Variants in TMEM169 observed in about 807,000 individuals in gnomAD.
TMEM169 encodes the protein transmembrane protein 169.
In TMEM169, 18 loss-of-function variants were observed where a neutral mutation model predicts 27.3. The ratio of observed to expected loss-of-function variants is 0.66; its 90% confidence interval spans 0.46 to 0.98. The LOEUF is 0.98. Among genes scored for constraint, TMEM169 ranks in the 50% least tolerant of loss-of-function variants. TMEM169 has a pLI of 0.00. For synonymous variants in TMEM169, 136 were observed against 142.1 expected (o/e 0.96, Z 0.30); for missense variants, 320 against 368.6 (o/e 0.87, Z 1.08).
At position 216,100,337 on chromosome 2, in the gene TMEM169, C is replaced by T; in HGVS notation, c.689C>T (p.Ala230Val). The T allele has an allele frequency of 6.2e-7, 1 of 1,614,010 alleles. No homozygotes were observed. The highest frequency in any genetic ancestry group is 8.5e-7 in the Non-Finnish European group (1 of 1,180,010). The change falls in exon 3 of 3, where the codon GCT (alanine) becomes GTT (valine). Residue 230 changes from alanine to valine, a missense_variant. Ala to Val is a moderately conservative substitution (Grantham distance 64). Coordinates refer to ENST00000437356, the MANE Select transcript of TMEM169 (RefSeq NM_001142311.2). Reference protein sequence around the residue: ...AMASSLGLYAAVVQLSWSWEA... With the variant: ...AMASSLGLYAVVVQLSWSWEA... The stretch of plus-strand genomic sequence containing the variant: ...GCTTCTTCCCTCGGCCTCTACGCTG[C>T]TGTGGTCCAGCTCTCGTGGTCCTGG...
Position 216,085,303 on chromosome 2 carries a change from C to T in TMEM169, c.-127+3324C>T, listed in dbSNP as rs566391381. Among the ~76,000 whole-genome samples, 4 of 151,938 alleles carry T rather than the reference C, an allele frequency of 2.6e-5. No individual in the cohort carries two copies. The East Asian group carries it at 7.8e-4, about 30-fold the overall frequency. On this transcript the variant is annotated intron_variant, in intron 1 of 2. Coordinates refer to ENST00000437356, the MANE Select transcript of TMEM169 (RefSeq NM_001142311.2). Reference sequence around the variant, plus strand: ...GCACACGCCTGTAATCTCATCTACTCGGTAGGAGAATCAGGTGGGGGAGGT... The same window carrying T: ...GCACACGCCTGTAATCTCATCTACTTGGTAGGAGAATCAGGTGGGGGAGGT...
At chr2:216,085,056 C>T (rs576975683) in intron 1 of TMEM169, among the ~76,000 whole-genome samples, 1 of 152,304 alleles carries the variant, frequency 6.6e-6, no homozygotes, top group South Asian at 2.1e-4. Context: ...TGGCAGCGAT[C>T]TCGGCTCACT....
Position 216,101,742 on chromosome 2 carries a change from C to CA in TMEM169, c.*1204dup, listed in dbSNP as rs1283860048. 4 of 152,162 alleles carry CA rather than the reference C, an allele frequency of 2.6e-5. No homozygotes were observed. Among genetic ancestry groups the CA allele is most frequent in the African/African-American group, 9.7e-5 (4 of 41,428 alleles). The allele number at this position is 152,162 out of a possible 1,614,324, so 9.4% of individuals were successfully genotyped here. ...AGGTGATCCGCCTGCCTCGGCCTCC[C>CA]AAAATGCTGGGATTGTAGGCAAGAA... is the stretch of plus-strand genomic sequence containing the variant. On this transcript the variant is annotated 3_prime_UTR_variant, in exon 3 of 3. Coordinates refer to ENST00000437356, the MANE Select transcript of TMEM169 (RefSeq NM_001142311.2).
At chr2:216,094,005 T>C (rs917974513) in intron 1 of TMEM169, among the ~76,000 whole-genome samples, 17 of 152,170 alleles carry the variant, frequency 1.1e-4, no homozygotes, top group African/African-American at 4.1e-4. Context: ...TTGGGAACAT[T>C]TGAATACACA....
At chr2:216,095,109 C>CTTTTTTTCTTTTTT (rs1696232189) in intron 1 of TMEM169, among the ~76,000 whole-genome samples, 1 of 110,484 alleles carries the variant, frequency 9.1e-6, no homozygotes, top group African/African-American at 4.1e-5. Flanking sequence ...TTTTTTCTTT[C>CTTTTTTTCTTTTTT]TTTTTTTTTT....
chr2:216,098,874 C>T (rs576009759), intron 2 of TMEM169, among the ~76,000 whole-genome samples: 51 of 146,364 alleles, frequency 3.5e-4, no homozygotes, highest in Non-Finnish European at 6.0e-4. Context: ...ATATGGTGTA[C>T]GTATGTGTGC....
chr2:216,101,929 A>G lies in TMEM169; in HGVS notation c.*1387A>G, dbSNP rs1696405752. 2.0e-5 allele frequency: 3 copies of G among 152,212 alleles called. No individual in the cohort carries two copies. Among genetic ancestry groups the G allele is most frequent in the Non-Finnish European group, 4.4e-5 (3 of 68,040 alleles). The allele number at this position is 152,212 out of a possible 1,614,324, so 9.4% of individuals were successfully genotyped here. ...TGAATCTTACACAGAGAATTTATATATAGATATTAGCTACATATACTTTGA... is the reference window on the plus strand; with the variant it reads ...TGAATCTTACACAGAGAATTTATATGTAGATATTAGCTACATATACTTTGA... On this transcript the variant is annotated 3_prime_UTR_variant, in exon 3 of 3. Coordinates refer to ENST00000437356, the MANE Select transcript of TMEM169 (RefSeq NM_001142311.2).
At chr2:216,096,564 C>T (rs1407351371) in intron 2 of TMEM169, among the ~76,000 whole-genome samples, 1 of 152,064 alleles carries the variant, frequency 6.6e-6, no homozygotes, top group Non-Finnish European at 1.5e-5. Context: ...TGGGTTTCAC[C>T]ATGTTGTCCA....
Position 216,100,151 on chromosome 2 carries a change from T to C in TMEM169, c.503T>C (p.Leu168Pro). Residue 168 changes from leucine to proline, a missense_variant, in exon 3 of 3, where the codon CTG (leucine) becomes CCG (proline). Physicochemically the swap from Leu to Pro is moderately conservative, Grantham distance 98 (BLOSUM62 -3). Coordinates refer to ENST00000437356, the MANE Select transcript of TMEM169 (RefSeq NM_001142311.2). The stretch of plus-strand genomic sequence containing the variant: ...GTGGTCCTCTGGACGCTGATCTGCC[T>C]GCCTGTGGTTTTCATCCTTTCTTTT... ...PHVVLWTLIC[L>P]PVVFILSFVV... 6.2e-7 allele frequency: 1 copy of C among 1,614,156 alleles called. No homozygotes were observed. The highest frequency in any genetic ancestry group is 8.5e-7 in the Non-Finnish European group (1 of 1,180,032).
At chr2:216,089,646 G>A (rs1463284222) in intron 1 of TMEM169, among the ~76,000 whole-genome samples, 1 of 152,064 alleles carries the variant, frequency 6.6e-6, no homozygotes, top group Non-Finnish European at 1.5e-5. Flanking sequence ...TAGAGACAGG[G>A]TTTCACCATG....
intron 2 of TMEM169, among the ~76,000 whole-genome samples, chr2:216,097,120 T>C (rs2105987370): frequency 6.6e-6 from 1 of 152,326 alleles, no homozygotes; most frequent in Non-Finnish European, 1.5e-5. Context: ...CATGCATACC[T>C]CATGACCCAG....
intron 1 of TMEM169, among the ~76,000 whole-genome samples, chr2:216,088,797 CCTT>C (rs1696065685): frequency 6.6e-6 from 1 of 152,148 alleles, no homozygotes; most frequent in Non-Finnish European, 1.5e-5. Context: ...TGTGGTGTTT[CCTT>C]CTTTATCCCT....
In TMEM169 at chr2:216,088,150, T is replaced by C. The variant is rs376890476; in HGVS notation, c.-127+6171T>C. 7.5e-3 allele frequency among the ~76,000 whole-genome samples: 1,047 copies of C among 139,870 alleles called. 8 individuals are homozygous for C. The highest frequency in any genetic ancestry group is 0.028 in the African/African-American group (1,000 of 36,098). The allele number at this position is 139,870 out of a possible 152,430, so 91.8% of individuals were successfully genotyped here. A position where few individuals can be genotyped will look rare whatever the true frequency, so the allele number is the denominator to read the frequency against. The stretch of plus-strand genomic sequence containing the variant: ...TCCAGCCTGGGTGACCAAGCGAGAC[T>C]CTGTCTCAAAAAAAAAAAAAACAAA... On this transcript the variant is annotated intron_variant, in intron 1 of 2. Transcript: ENST00000437356.
At position 216,096,029 on chromosome 2, in the gene TMEM169, G is replaced by A. The variant is rs549854689; in HGVS notation, c.66G>A (p.Arg22=). The A allele has an allele frequency of 1.7e-4, 279 of 1,614,214 alleles. 5 individuals are homozygous for A. The South Asian group carries it at 2.9e-3, about 17-fold the overall frequency. ...CAAGCCCCCACCAGGGCTCTCTCAGGAAGGCTGTGGCTGCTGCCCTGGCGC... is the reference window on the plus strand; with the variant it reads ...CAAGCCCCCACCAGGGCTCTCTCAGAAAGGCTGTGGCTGCTGCCCTGGCGC... ...QLPSPHQGSL[R]KAVAAALALD... is the part of the protein sequence containing the mutation. The change falls in exon 2 of 3, where the codon AGG becomes AGA. Residue 22 remains arginine (R), a synonymous_variant. Transcript: ENST00000437356.
intron 1 of TMEM169, among the ~76,000 whole-genome samples, chr2:216,093,162 G>GTA (rs1491021967): frequency 7.3e-6 from 1 of 136,598 alleles, no homozygotes; most frequent in Non-Finnish European, 1.6e-5. Flanking sequence ...GTGTGTGTGT[G>GTA]TATACATATA....
chr2:216,082,921 G>T (rs1695902712), intron 1 of TMEM169: 1 of 152,176 alleles, frequency 6.6e-6, no homozygotes, highest in Admixed American at 6.5e-5. Flanking sequence ...TCATCCTTTT[G>T]TTGGACCTAC....
chr2:216,096,017 G>A lies in TMEM169; in HGVS notation c.54G>A (p.Gln18=). 1 of 1,614,194 alleles carries A rather than the reference G, an allele frequency of 6.2e-7. No homozygotes were observed. Among genetic ancestry groups the A allele is most frequent in the Middle Eastern group, 1.7e-4 (1 of 6,036 alleles). ...AGGTCCAGCTTCCAAGCCCCCACCA[G>A]GGCTCTCTCAGGAAGGCTGTGGCTG... The part of the protein sequence containing the change: ...EGQVQLPSPH[Q]GSLRKAVAAA... Residue 18 remains glutamine, a synonymous_variant, in exon 2 of 3, where the codon CAG becomes CAA. Coordinates refer to ENST00000437356, the MANE Select transcript of TMEM169 (RefSeq NM_001142311.2).
intron 1 of TMEM169, among the ~76,000 whole-genome samples, chr2:216,089,287 C>G (rs527625471): frequency 6.6e-6 from 1 of 152,210 alleles, no homozygotes; most frequent in East Asian, 1.9e-4. Flanking sequence ...GTGATCACAT[C>G]AGGGACTTTC....
chr2:216,085,273 T>C (rs1047599544), intron 1 of TMEM169, among the ~76,000 whole-genome samples: 16 of 151,710 alleles, frequency 1.1e-4, no homozygotes, highest in African/African-American at 3.4e-4. Flanking sequence ...TAGCCGGGTG[T>C]GGTGGCACAC....
Sources: gnomAD v4.1 joint callset for allele counts (sites outside exome capture counted in the v4.1 genomes callset) on GRCh38, gnomAD v4.1.1 for gene constraint, MANE v1.5 for transcripts, NCBI Gene and HGNC (gene_info 2026-07-23, HGNC 2026-07-21) for gene names.